Variants in BCCIP observed in about 807,000 individuals in gnomAD.
The protein encoded by BCCIP is BRCA2 and CDKN1A interacting protein.
Under a neutral mutation model 32.8 loss-of-function variants are expected in BCCIP, and 23 were observed. The ratio of observed to expected loss-of-function variants is 0.70; its 90% confidence interval spans 0.51 to 0.99. The LOEUF is 0.99. Among genes scored for constraint, BCCIP ranks in the 50% least tolerant of loss-of-function variants. The probability of loss-of-function intolerance (pLI) is 0.00; values close to 1 mark genes in which losing one functional copy is unlikely to be tolerated. For synonymous variants in BCCIP, 144 were observed against 137.6 expected (o/e 1.05, Z -0.33); for missense variants, 378 against 379.8 (o/e 1.00, Z 0.04).
At chr10:125,853,647 AG>A (rs1284164765) in exon 8 of BCCIP, 3 of 272,330 alleles carry the variant, frequency 1.1e-5, no homozygotes, top group Non-Finnish European at 2.1e-5. Context: ...TTGCTTTGCT[AG>A]TACCTTAGCT....
intron 7 of BCCIP, among the ~76,000 whole-genome samples, chr10:125,851,297 G>T (rs1370936723): frequency 6.6e-6 from 1 of 152,168 alleles, no homozygotes; most frequent in East Asian, 1.9e-4. Flanking sequence ...TGTGTGTATT[G>T]TCAGGAGACA....
chr10:125,836,993 CA>C, downstream of BCCIP: 1 of 700,966 alleles, frequency 1.4e-6, no homozygotes, highest in Non-Finnish European at 2.4e-6. Flanking sequence ...GATAGTATCT[CA>C]GTCCGACTTT....
chr10:125,829,886 TTCTTGGGATTCTCCAGA>T (rs1444612858), intron 3 of BCCIP, among the ~76,000 whole-genome samples: 1 of 152,250 alleles, frequency 6.6e-6, no homozygotes, highest in African/African-American at 2.4e-5. Flanking sequence ...TAACTGTGGC[TTCTTGGGATTCTCCAGA>T]GACACTTGAG....
At chr10:125,840,925 G>A (rs780155953), downstream of BCCIP, 1 of 1,612,668 alleles carries the variant, frequency 6.2e-7, no homozygotes, top group Non-Finnish European at 8.5e-7. Context: ...CCTTCGGGAT[G>A]TAAAAATGTC....
chr10:125,842,747 G>C lies in BCCIP; in HGVS notation c.*1388G>C, dbSNP rs187460244. On this transcript the variant is annotated 3_prime_UTR_variant, in exon 7 of 7. Transcript: ENST00000299130. ...CAACTGACCTGGATCTCAGATGCTA[G>C]AAATAGTAGACAAAGATGTTATTTC... is the stretch of plus-strand genomic sequence containing the variant. 267 of 860,276 alleles carry C rather than the reference G, an allele frequency of 3.1e-4. 1 individual carries two copies. The African/African-American group carries it at 4.7e-3, about 15-fold the overall frequency. 53.3% of individuals were successfully genotyped at this position (860,276 alleles called of 1,614,324 possible).
intron 7 of BCCIP, chr10:125,853,073 T>C: frequency 7.5e-7 from 1 of 1,326,118 alleles, no homozygotes; most frequent in South Asian, 1.3e-5. Context: ...GTTCCAATCA[T>C]AACAGCTAAT....
chr10:125,850,411 G>C (rs1944075819), intron 7 of BCCIP, among the ~76,000 whole-genome samples: 2 of 141,134 alleles, frequency 1.4e-5, no homozygotes, highest in South Asian at 4.4e-4. Context: ...AGGCTGCAGT[G>C]CAATGGCGCA....
chr10:125,833,115 T>G (rs1564819082), intron 5 of BCCIP, among the ~76,000 whole-genome samples: 2 of 151,208 alleles, frequency 1.3e-5, no homozygotes, highest in East Asian at 3.9e-4. Flanking sequence ...CAGAGTGAGA[T>G]TTTGTCTCCA....
At chr10:125,835,990 A>T in intron 6 of BCCIP, 114 bp from the exon 7 acceptor site, 2 of 947,338 alleles carry the variant, frequency 2.1e-6, no homozygotes, top group Admixed American at 2.6e-5. Flanking sequence ...GCTTTTTTTT[A>T]GCTCTCATTC....
chr10:125,827,967 G>GAAAA (rs11296499), intron 3 of BCCIP, among the ~76,000 whole-genome samples: 1 of 62,306 alleles, frequency 1.6e-5, no homozygotes, highest in Admixed American at 2.0e-4. Flanking sequence ...CCCTATATCT[G>GAAAA]AAAAAAAAAA....
At chr10:125,836,901 G>A, downstream of BCCIP, 1 of 1,559,472 alleles carries the variant, frequency 6.4e-7, no homozygotes, top group Non-Finnish European at 8.8e-7. Context: ...GGGGAAGGTG[G>A]TGAGAGACAC....
intron 3 of BCCIP, among the ~76,000 whole-genome samples, chr10:125,829,548 C>A (rs183062102): frequency 2.0e-5 from 3 of 152,190 alleles, no homozygotes; most frequent in Non-Finnish European, 2.9e-5. Context: ...CACTAAAATT[C>A]GGACACTGAG....
chr10:125,847,936 C>G (rs1239726822), intron 7 of BCCIP, among the ~76,000 whole-genome samples: 1 of 152,172 alleles, frequency 6.6e-6, no homozygotes, highest in Admixed American at 6.5e-5. Context: ...TCGCTTGCCC[C>G]CCACTCACCT....
chr10:125,825,284 C>T (rs563731983), intron 1 of BCCIP, among the ~76,000 whole-genome samples: 1 of 152,160 alleles, frequency 6.6e-6, no homozygotes. Context: ...CATTTGCCGC[C>T]CATTTCCCTG....
intron 2 of BCCIP, among the ~76,000 whole-genome samples, chr10:125,827,307 C>T (rs1356100902): frequency 6.6e-6 from 1 of 151,898 alleles, no homozygotes; most frequent in African/African-American, 2.4e-5. Context: ...TAAGTTTATC[C>T]TCTCTCGTTT....
intron 7 of BCCIP, among the ~76,000 whole-genome samples, chr10:125,851,489 A>G (rs1944088680): frequency 6.6e-6 from 1 of 152,060 alleles, no homozygotes; most frequent in South Asian, 2.1e-4. Flanking sequence ...AACATCTACT[A>G]CCCTGAGCAA....
downstream of BCCIP, chr10:125,836,628 A>G (rs1854693827): frequency 4.4e-6 from 7 of 1,580,054 alleles, no homozygotes; most frequent in Non-Finnish European, 6.0e-6. Flanking sequence ...TCCCATATCC[A>G]GCAGTTCAGC....
In BCCIP at chr10:125,836,185, C is replaced by G; in HGVS notation, c.856C>G (p.Pro286Ala). 1 of 1,614,214 alleles carries G rather than the reference C, an allele frequency of 6.2e-7. No individual in the cohort carries two copies. Among genetic ancestry groups the G allele is most frequent in the African/African-American group, 1.3e-5 (1 of 75,060 alleles). Residue 286 changes from proline to alanine, a missense_variant, in exon 7 of 7, where the codon CCA becomes GCA. By Grantham distance (27) the Pro-to-Ala change is conservative. Transcript: ENST00000278100. ...LGGKWSFDDV[P>A]MTPLRTVMLI... ...AGGCAAATGGTCTTTTGATGACGTA[C>G]CAATGACGCCCTTGCGAACTGTGAT...
At chr10:125,841,840 T>TGACAG in exon 7 of BCCIP, 1 of 1,613,890 alleles carries the variant, frequency 6.2e-7, no homozygotes, top group Non-Finnish European at 8.5e-7. Flanking sequence ...GAGGAAACTC[T>TGACAG]GACATGATGA....
Sources: gnomAD v4.1 joint callset for allele counts (sites outside exome capture counted in the v4.1 genomes callset) on GRCh38, gnomAD v4.1.1 for gene constraint, MANE v1.5 for transcripts, NCBI Gene and HGNC (gene_info 2026-07-23, HGNC 2026-07-21) for gene names.